CSMD1: variants seen among roughly 807,000 people sequenced by gnomAD.
The protein encoded by CSMD1 is CUB and Sushi multiple domains 1.
Under a neutral mutation model 417.5 loss-of-function variants are expected in CSMD1, and 213 were observed. That is an observed-to-expected ratio of 0.51 (90% CI 0.46 to 0.57). The LOEUF is 0.57. CSMD1 is among the 20% of genes least tolerant of loss of function. CSMD1 has a pLI of 0.00. For missense variants in CSMD1, 6,923 were observed against 4,529.7 expected, an observed-to-expected ratio of 1.53 and a Z score of -15.17; for synonymous variants, 2,862 against 1,736.8, an observed-to-expected ratio of 1.65 and a Z score of -16.11.
intron 49 of CSMD1, 129 bp downstream of exon 49, chr8:3,086,968 T>G (rs1814574249): frequency 4.8e-6 from 4 of 841,330 alleles, no homozygotes; most frequent in South Asian, 1.7e-5. Flanking sequence ...TAATTCGTAC[T>G]GTTATAAGCC....
chr8:3,831,785 T>C (rs1802391935), intron 5 of CSMD1, among the ~76,000 whole-genome samples: 1 of 152,202 alleles, frequency 6.6e-6, no homozygotes, highest in Non-Finnish European at 1.5e-5. Context: ...GGGATATTTT[T>C]GCTCACACGC....
At chr8:4,280,437 C>A (rs374512232) in intron 3 of CSMD1, among the ~76,000 whole-genome samples, 1 of 152,130 alleles carries the variant, frequency 6.6e-6, no homozygotes, top group African/African-American at 2.4e-5. Context: ...AATGTGCGAC[C>A]GGATACCAAT....
At chr8:4,238,695 T>A (rs1802212308) in intron 3 of CSMD1, among the ~76,000 whole-genome samples, 1 of 152,332 alleles carries the variant, frequency 6.6e-6, no homozygotes, top group South Asian at 2.1e-4. Flanking sequence ...CCTCAATACC[T>A]GTTAGCTGTT....
intron 3 of CSMD1, among the ~76,000 whole-genome samples, chr8:4,345,433 GA>G (rs1434944284): frequency 6.6e-6 from 1 of 151,928 alleles, no homozygotes. Flanking sequence ...ATCAAATCAG[GA>G]TAAAGAAGAG....
intron 3 of CSMD1, among the ~76,000 whole-genome samples, chr8:4,388,450 G>T (rs1035298823): frequency 6.6e-6 from 1 of 151,758 alleles, no homozygotes; most frequent in Non-Finnish European, 1.5e-5. Context: ...AAGTAACTCA[G>T]GAATGAAAAA....
intron 3 of CSMD1, among the ~76,000 whole-genome samples, chr8:4,374,816 G>T (rs1030363147): frequency 6.6e-6 from 1 of 152,006 alleles, no homozygotes; most frequent in Non-Finnish European, 1.5e-5. Context: ...GCAGGAAAAC[G>T]GCCTGCTGAG....
At chr8:3,543,132 CCAGA>C (rs1371647318) in intron 10 of CSMD1, among the ~76,000 whole-genome samples, 6 of 152,066 alleles carry the variant, frequency 3.9e-5, no homozygotes, top group African/African-American at 1.4e-4. Context: ...AAGGATGATC[CCAGA>C]CAGAGAGAAG....
intron 3 of CSMD1, among the ~76,000 whole-genome samples, chr8:4,106,064 C>A (rs769805619): frequency 2.0e-5 from 3 of 152,138 alleles, no homozygotes; most frequent in Admixed American, 6.5e-5. Context: ...GGGTGCCAGG[C>A]AGGAGAAAGA....
rs1563561083 is a variant in CSMD1 at position 4,841,923 on chromosome 8, A to ACAAAAC, written c.85+152408_85+152409insGTTTTG. 1.5e-3 allele frequency among the ~76,000 whole-genome samples: 223 copies of ACAAAAC among 144,130 alleles called. 9 individuals are homozygous for ACAAAAC. Among genetic ancestry groups the ACAAAAC allele is most frequent in the African/African-American group, 5.6e-3 (216 of 38,562 alleles). 94.6% of individuals were successfully genotyped at this position (144,130 alleles called of 152,430 possible). The stretch of plus-strand genomic sequence containing the variant: ...CAAAACTCCGTCTCAAAAAAAAAAA[A>ACAAAAC]AAAAAAAAAAAAAAAGTTCAGAACA... On this transcript the variant is annotated intron_variant, in intron 1 of 69. Coordinates refer to ENST00000635120, the MANE Select transcript of CSMD1 (RefSeq NM_033225.6).
chr8:3,838,116 T>A (rs1029968316), intron 5 of CSMD1, among the ~76,000 whole-genome samples: 4 of 152,042 alleles, frequency 2.6e-5, no homozygotes, highest in Non-Finnish European at 4.4e-5. Context: ...TAACTTGGGA[T>A]TAGAAAACAG....
intron 5 of CSMD1, among the ~76,000 whole-genome samples, chr8:3,938,100 A>G (rs991533717): frequency 1.3e-5 from 2 of 152,176 alleles, no homozygotes; most frequent in Non-Finnish European, 2.9e-5. Flanking sequence ...AGAAATTTTG[A>G]AAGTGTGAAG....
intron 10 of CSMD1, among the ~76,000 whole-genome samples, chr8:3,503,849 C>G (rs1294851343): frequency 1.3e-5 from 2 of 151,160 alleles, no homozygotes; most frequent in Non-Finnish European, 1.5e-5. Context: ...CCCCAACCCC[C>G]ACACTCTTCC....
At chr8:4,584,633 A>G (rs1444663541) in intron 2 of CSMD1, among the ~76,000 whole-genome samples, 2 of 152,020 alleles carry the variant, frequency 1.3e-5, no homozygotes, top group African/African-American at 2.4e-5. Context: ...CGGGGTCCCA[A>G]CAACATGTTG....
chr8:4,323,298 A>C (rs536536478), intron 3 of CSMD1, among the ~76,000 whole-genome samples: 2 of 152,162 alleles, frequency 1.3e-5, no homozygotes, highest in Non-Finnish European at 2.9e-5. Context: ...CTTATTTCAC[A>C]CAGTCTTACT....
intron 37 of CSMD1, among the ~76,000 whole-genome samples, chr8:3,172,100 G>A (rs1283534846): frequency 1.3e-5 from 2 of 152,170 alleles, no homozygotes; most frequent in African/African-American, 2.4e-5. Context: ...TCAGAACCAT[G>A]TAAAATCAAT....
chr8:3,231,199 G>C (rs550038421), intron 26 of CSMD1, among the ~76,000 whole-genome samples: 2 of 152,222 alleles, frequency 1.3e-5, no homozygotes, highest in Non-Finnish European at 2.9e-5. Flanking sequence ...CTGAAAATTA[G>C]AAAGATAGGT....
intron 3 of CSMD1, among the ~76,000 whole-genome samples, chr8:4,145,658 G>C (rs981678426): frequency 2.0e-5 from 3 of 150,746 alleles, no homozygotes; most frequent in Non-Finnish European, 4.4e-5. Flanking sequence ...CAAAGTGCTG[G>C]GATTACAGCC....
At chr8:3,649,311 C>A (rs1797729130) in intron 7 of CSMD1, among the ~76,000 whole-genome samples, 1 of 152,178 alleles carries the variant, frequency 6.6e-6, no homozygotes, top group South Asian at 2.1e-4. Flanking sequence ...GAAACTCTTA[C>A]AAATCTACCT....
At chr8:4,022,565 C>T (rs149351682) in intron 4 of CSMD1, among the ~76,000 whole-genome samples, 7 of 152,102 alleles carry the variant, frequency 4.6e-5, no homozygotes, top group Admixed American at 3.9e-4. Context: ...ACAGGGTGTG[C>T]ATTGAGGGCA....
Sources: allele counts gnomAD v4.1 joint callset (sites outside exome capture counted in the v4.1 genomes callset), GRCh38; gene constraint gnomAD v4.1.1; transcripts MANE v1.5; gene names NCBI Gene and HGNC (gene_info 2026-07-23, HGNC 2026-07-21).